Variants in QTMAN observed in about 807,000 individuals in gnomAD.
QTMAN encodes the protein tRNA-queuosine alpha-mannosyltransferase.
chr2:144,161,342 C>A, the QTMAN span, among the ~76,000 whole-genome samples: 1 of 152,126 alleles, frequency 6.6e-6, no homozygotes, highest in Non-Finnish European at 1.5e-5. Context: ...TGTTGCAGAA[C>A]CTCCCCACCC....
At chr2:144,157,606 A>G in the QTMAN span, among the ~76,000 whole-genome samples, 45 of 152,080 alleles carry the variant, frequency 3.0e-4, no homozygotes, top group Non-Finnish European at 5.4e-4. Flanking sequence ...ATGGCTATTA[A>G]AAGATGAGCA....
At chr2:144,027,180 T>G in the QTMAN span, among the ~76,000 whole-genome samples, 2 of 152,174 alleles carry the variant, frequency 1.3e-5, no homozygotes, top group Non-Finnish European at 2.9e-5. Context: ...AATAAATATC[T>G]GATTACCAAT....
At chr2:144,216,151 TTCTC>T in the QTMAN span, among the ~76,000 whole-genome samples, 6 of 152,178 alleles carry the variant, frequency 3.9e-5, no homozygotes, top group Non-Finnish European at 8.8e-5. Context: ...TCCATCAGCC[TTCTC>T]TCTCTGTTCA....
At chr2:144,297,283 C>T in the QTMAN span, among the ~76,000 whole-genome samples, 1 of 152,076 alleles carries the variant, frequency 6.6e-6, no homozygotes, top group Non-Finnish European at 1.5e-5. Context: ...TGAATTCAGA[C>T]ATTGTTTTAA....
the QTMAN span, among the ~76,000 whole-genome samples, chr2:144,134,712 C>T: frequency 6.6e-6 from 1 of 152,044 alleles, no homozygotes; most frequent in East Asian, 1.9e-4. Flanking sequence ...TAAGTTGGAC[C>T]TGAAACCCAG....
At chr2:144,182,820 A>ATATATATAATATATATATAATATATATTT in the QTMAN span, among the ~76,000 whole-genome samples, 2 of 32,130 alleles carry the variant, frequency 6.2e-5, no homozygotes, top group Admixed American at 4.9e-4. Flanking sequence ...TATATATATT[A>ATATATATAATATATATATAATATATATTT]TATATATAAT....
the QTMAN span, among the ~76,000 whole-genome samples, chr2:144,104,227 G>A: frequency 6.6e-6 from 1 of 152,180 alleles, no homozygotes; most frequent in Non-Finnish European, 1.5e-5. Context: ...GAGGTACTGG[G>A]TTCATCTAAC....
chr2:144,152,920 G>A, the QTMAN span, among the ~76,000 whole-genome samples: 5 of 152,170 alleles, frequency 3.3e-5, no homozygotes, highest in Admixed American at 1.3e-4. Context: ...GATTGATTAC[G>A]AATGAAGGCA....
the QTMAN span, among the ~76,000 whole-genome samples, chr2:143,969,919 G>A: frequency 6.6e-6 from 1 of 152,288 alleles, no homozygotes; most frequent in South Asian, 2.1e-4. Flanking sequence ...GAGTCATAAT[G>A]CACAATGGCA....
the QTMAN span, among the ~76,000 whole-genome samples, chr2:144,030,219 C>T: frequency 9.2e-5 from 14 of 152,278 alleles, no homozygotes; most frequent in South Asian, 1.2e-3. Flanking sequence ...TTCCACCCTA[C>T]CCCATCTAAA....
At chr2:143,953,245 A>T in the QTMAN span, among the ~76,000 whole-genome samples, 3 of 151,792 alleles carry the variant, frequency 2.0e-5, no homozygotes, top group South Asian at 6.2e-4. Context: ...TAAAATAGCA[A>T]ATACTTAACT....
At chr2:144,184,264 G>A in the QTMAN span, among the ~76,000 whole-genome samples, 2 of 151,964 alleles carry the variant, frequency 1.3e-5, no homozygotes, top group Admixed American at 1.3e-4. Flanking sequence ...TTAATAGCCA[G>A]GTATGGCAGA....
the QTMAN span, chr2:143,939,663 T>C: frequency 6.6e-6 from 1 of 152,200 alleles, no homozygotes; most frequent in Non-Finnish European, 1.5e-5. Flanking sequence ...CCCCACCCAT[T>C]AAGAATTCTG....
chr2:143,993,661 C>A, the QTMAN span, among the ~76,000 whole-genome samples: 1 of 152,150 alleles, frequency 6.6e-6, no homozygotes, highest in Non-Finnish European at 1.5e-5. Context: ...TGAGGCCAAG[C>A]TAACACCTTG....
the QTMAN span, among the ~76,000 whole-genome samples, chr2:144,308,738 G>A: frequency 2.0e-5 from 3 of 151,946 alleles, no homozygotes; most frequent in Non-Finnish European, 4.4e-5. Flanking sequence ...GCAACAGAGC[G>A]AGACTTCATT....
chr2:144,248,816 C>G, the QTMAN span, among the ~76,000 whole-genome samples: 1 of 151,544 alleles, frequency 6.6e-6, no homozygotes, highest in Non-Finnish European at 1.5e-5. Context: ...AATATAAGAT[C>G]TCAGGTTGGT....
the QTMAN span, among the ~76,000 whole-genome samples, chr2:143,971,115 CT>C: frequency 0.01 from 1,492 of 143,732 alleles, 8 homozygotes; most frequent in African/African-American, 0.021. Flanking sequence ...TAAAAATAAA[CT>C]TTTTTTTTTT....
the QTMAN span, chr2:144,006,486 T>A: frequency 1.4e-4 from 22 of 152,062 alleles, no homozygotes; most frequent in Non-Finnish European, 2.6e-4. Context: ...TTAAACTAAC[T>A]GGGAGGAATA....
chr2:143,991,471 G>A, the QTMAN span, among the ~76,000 whole-genome samples: 1 of 147,822 alleles, frequency 6.8e-6, no homozygotes, highest in Admixed American at 6.7e-5. Flanking sequence ...CGCCCCGTCC[G>A]GGAGGTGAGG....
Sources: gnomAD v4.1 joint callset for allele counts (sites outside exome capture counted in the v4.1 genomes callset) on GRCh38, gnomAD v4.1.1 for gene constraint, MANE v1.5 for transcripts, NCBI Gene and HGNC (gene_info 2026-07-23, HGNC 2026-07-21) for gene names.